The following POC1B variants were observed in gnomAD, a reference collection of about 807,000 sequenced individuals.
The protein encoded by POC1B is POC1 centriolar protein B.
Under a neutral mutation model 60.6 loss-of-function variants are expected in POC1B, and 44 were observed. The ratio of observed to expected loss-of-function variants is 0.73; its 90% CI spans 0.57 to 0.93. POC1B has a LOEUF of 0.93. Ranked by LOEUF, POC1B falls within the 40% of genes least tolerant of loss-of-function variation. The pLI is 0.00. For synonymous variants in POC1B, 180 were observed against 198.9 expected, an observed-to-expected ratio of 0.90 and a Z score of 0.80; for missense variants, 555 against 572.3, an observed-to-expected ratio of 0.97 and a Z score of 0.31.
downstream of POC1B, among the ~76,000 whole-genome samples, chr12:89,416,927 C>T (rs142801335): frequency 1.4e-3 from 208 of 152,264 alleles, 2 homozygotes; most frequent in African/African-American, 4.9e-3. Flanking sequence ...TAGTAAAGGA[C>T]CCAGAGGTCC....
the POC1B span, among the ~76,000 whole-genome samples, chr12:89,401,920 T>C: frequency 6.6e-6 from 1 of 152,124 alleles, no homozygotes; most frequent in Non-Finnish European, 1.5e-5. Context: ...ACAATACGAG[T>C]CAAACTTTCT....
chr12:89,429,707 G>T (rs1182892388), intron 10 of POC1B, among the ~76,000 whole-genome samples: 2 of 152,160 alleles, frequency 1.3e-5, no homozygotes, highest in East Asian at 3.9e-4. Context: ...CCCCCACAAT[G>T]CCTGGCTCAT....
chr12:89,460,860 G>A (rs960994247), intron 9 of POC1B: 2 of 152,098 alleles, frequency 1.3e-5, no homozygotes, highest in African/African-American at 2.4e-5. Context: ...GACTAACTTT[G>A]AGGGAGGCTA....
chr12:89,496,081 T>A (rs1869230664), intron 3 of POC1B, among the ~76,000 whole-genome samples: 1 of 152,096 alleles, frequency 6.6e-6, no homozygotes, highest in Admixed American at 6.6e-5. Flanking sequence ...TATTATTACA[T>A]ACTCACTATA....
chr12:89,411,542 T>G, the POC1B span, among the ~76,000 whole-genome samples: 3 of 152,240 alleles, frequency 2.0e-5, no homozygotes, highest in African/African-American at 7.2e-5. Context: ...AATGTATTTT[T>G]CAGGATCACA....
rs557164720 is a variant in POC1B at position 89,468,632 on chromosome 12, T to C, written c.811-947A>G. On this transcript the variant is annotated intron_variant, in intron 7 of 11. Coordinates refer to ENST00000313546, the MANE Select transcript of POC1B (RefSeq NM_172240.3). ...TTTATCTTTTTTCCCTATTATTTTG[T>C]ACTTTTTTCATGGATATTTCAATCC... 2.0e-5 allele frequency among the ~76,000 whole-genome samples: 3 copies of C among 151,710 alleles called. No homozygotes were observed. In the South Asian group the frequency reaches 6.3e-4, roughly 32 times the overall value.
At chr12:89,491,891 A>AG in intron 4 of POC1B, 45 bp downstream of exon 4, 1 of 1,416,864 alleles carries the variant, frequency 7.1e-7, no homozygotes, top group South Asian at 1.7e-5. Flanking sequence ...AACATGAAGC[A>AG]GAAAAAATAT....
intron 10 of POC1B, among the ~76,000 whole-genome samples, chr12:89,438,821 C>G (rs1881389062): frequency 6.6e-6 from 1 of 152,220 alleles, no homozygotes; most frequent in African/African-American, 2.4e-5. Context: ...CTTCTTTCCA[C>G]TCTAGACCTT....
chr12:89,413,737 A>AT, the POC1B span, among the ~76,000 whole-genome samples: 274 of 151,538 alleles, frequency 1.8e-3, no homozygotes, highest in African/African-American at 6.3e-3. Context: ...AAAAAAGTGA[A>AT]TTTTTTTTTA....
chr12:89,498,654 T>A (rs1869381744), intron 2 of POC1B, among the ~76,000 whole-genome samples: 1 of 152,096 alleles, frequency 6.6e-6, no homozygotes, highest in Admixed American at 6.6e-5. Context: ...ACCCCCTTTT[T>A]AAAAAAATAC....
intron 11 of POC1B, 44 bp downstream of exon 11, chr12:89,425,117 A>T (rs754650650): frequency 6.3e-7 from 1 of 1,589,086 alleles, no homozygotes. Context: ...TGTTTTGTGT[A>T]TTTTACCCCC....
chr12:89,511,543 A>C (rs537531951), intron 2 of POC1B, among the ~76,000 whole-genome samples: 68 of 152,062 alleles, frequency 4.5e-4, no homozygotes, highest in Non-Finnish European at 8.4e-4. Context: ...AAAGTCCATT[A>C]CTGAAAATAA....
chr12:89,471,667 T>G lies in POC1B; in HGVS notation c.623A>C (p.Gln208Pro), dbSNP rs1206148864. ...TCTTACATCCCAGACTTTCACAGTT[T>G]GATCAGAACCTGCTGAAGCTATGCA... Reference protein sequence around the residue: ...GTCIASAGSDQTVKVWDVRVN... With the variant: ...GTCIASAGSDPTVKVWDVRVN... The change falls in exon 6 of 12, where the codon CAA (glutamine) becomes CCA (proline). Residue 208 changes from glutamine (Q) to proline (P), a missense_variant. Gln to Pro is a moderately conservative substitution (Grantham distance 76). Transcript: ENST00000313546. 6.2e-7 allele frequency: 1 copy of G among 1,611,846 alleles called. No homozygotes were observed. The highest frequency in any genetic ancestry group is 1.7e-5 in the Admixed American group (1 of 59,738).
intron 4 of POC1B, among the ~76,000 whole-genome samples, chr12:89,489,683 C>G (rs1868845694): frequency 6.6e-6 from 1 of 152,164 alleles, no homozygotes; most frequent in Non-Finnish European, 1.5e-5. Flanking sequence ...CTGGGGACAC[C>G]TGGCATGTTA....
chr12:89,474,473 A>G (rs992378419), intron 4 of POC1B, among the ~76,000 whole-genome samples: 1 of 152,144 alleles, frequency 6.6e-6, no homozygotes, highest in African/African-American at 2.4e-5. Flanking sequence ...TCATTATCCT[A>G]CCCACATTCC....
intron 2 of POC1B, chr12:89,519,303 G>T (rs1870651084): frequency 6.6e-6 from 1 of 152,162 alleles, no homozygotes; most frequent in African/African-American, 2.4e-5. Flanking sequence ...AATATCCACT[G>T]TCTGAATTTT....
intron 2 of POC1B, among the ~76,000 whole-genome samples, chr12:89,503,645 C>T (rs866339831): frequency 6.6e-6 from 1 of 151,420 alleles, no homozygotes; most frequent in Non-Finnish European, 1.5e-5. Flanking sequence ...GCGCCTCTGC[C>T]CCGCCACCCC....
At chr12:89,410,473 G>A in the POC1B span, among the ~76,000 whole-genome samples, 1 of 152,114 alleles carries the variant, frequency 6.6e-6, no homozygotes, top group Non-Finnish European at 1.5e-5. Flanking sequence ...GAGGTCAGGA[G>A]ATCGAGACCA....
intron 4 of POC1B, among the ~76,000 whole-genome samples, chr12:89,486,613 T>G (rs1868645266): frequency 6.6e-6 from 1 of 152,114 alleles, no homozygotes; most frequent in African/African-American, 2.4e-5. Flanking sequence ...TGACTAGATT[T>G]GTTTTTCACA....
Sources: allele counts gnomAD v4.1 joint callset (sites outside exome capture counted in the v4.1 genomes callset), GRCh38; gene constraint gnomAD v4.1.1; transcripts MANE v1.5; gene names NCBI Gene and HGNC (gene_info 2026-07-23, HGNC 2026-07-21).